SORCS1: variants seen among roughly 807,000 people sequenced by gnomAD.
SORCS1 encodes the protein VPS10 domain-containing receptor SorCS1.
In SORCS1, 60 loss-of-function variants were observed where a neutral mutation model predicts 146.1. The ratio of observed to expected loss-of-function variants is 0.41; its 90% CI spans 0.33 to 0.51. The LOEUF (loss-of-function observed/expected upper bound fraction) is 0.51, where lower values mean the gene tolerates loss of function less well. Ranked by LOEUF, SORCS1 falls within the 20% of genes least tolerant of loss-of-function variation. The pLI, the probability that SORCS1 is intolerant of heterozygous loss-of-function variation, is 0.21. For synonymous variants in SORCS1, 637 were observed against 584.0 expected (o/e 1.09, Z -1.31); for missense variants, 1,352 against 1,487.6 (o/e 0.91, Z 1.50).
At chr10:107,147,886 A>G (rs1382964016) in intron 1 of SORCS1, among the ~76,000 whole-genome samples, 2 of 152,194 alleles carry the variant, frequency 1.3e-5, no homozygotes, top group Non-Finnish European at 2.9e-5. Flanking sequence ...GACCCGGCAC[A>G]TAAGATCAGA....
chr10:106,623,554 TA>T (rs1029255911), intron 19 of SORCS1, among the ~76,000 whole-genome samples: 9 of 152,110 alleles, frequency 5.9e-5, no homozygotes, highest in African/African-American at 2.2e-4. Context: ...GAGCATTTTT[TA>T]AAAGTCATAA....
At chr10:106,747,330 A>T (rs906344027) in intron 5 of SORCS1, among the ~76,000 whole-genome samples, 1 of 152,228 alleles carries the variant, frequency 6.6e-6, no homozygotes, top group African/African-American at 2.4e-5. Flanking sequence ...TGACAGACAG[A>T]CCAAGTTCCA....
At chr10:106,715,171 C>T (rs188801610) in intron 6 of SORCS1, among the ~76,000 whole-genome samples, 3 of 152,212 alleles carry the variant, frequency 2.0e-5, no homozygotes, top group Non-Finnish European at 4.4e-5. Flanking sequence ...TGAACTCTTT[C>T]CATATTCAAT....
At chr10:106,716,266 G>A (rs1855365444) in intron 6 of SORCS1, among the ~76,000 whole-genome samples, 1 of 152,172 alleles carries the variant, frequency 6.6e-6, no homozygotes. Flanking sequence ...AGCAGGTGTG[G>A]CAGGTGTTCC....
intron 1 of SORCS1, among the ~76,000 whole-genome samples, chr10:107,047,879 G>A (rs1054138794): frequency 6.6e-6 from 1 of 151,930 alleles, no homozygotes; most frequent in South Asian, 2.1e-4. Context: ...TCAGGAGTTC[G>A]AGACCAGTCT....
intron 2 of SORCS1, among the ~76,000 whole-genome samples, chr10:106,895,861 T>C (rs1049111606): frequency 2.6e-5 from 4 of 152,016 alleles, no homozygotes; most frequent in Non-Finnish European, 4.4e-5. Context: ...TAGCCAACAA[T>C]AGCAACTCAA....
chr10:106,884,697 A>C (rs1001918057), intron 2 of SORCS1, among the ~76,000 whole-genome samples: 2 of 152,222 alleles, frequency 1.3e-5, no homozygotes, highest in African/African-American at 4.8e-5. Flanking sequence ...GAATATCACC[A>C]GCGGTTGTCA....
chr10:106,724,283 C>T (rs1290440086), intron 6 of SORCS1, among the ~76,000 whole-genome samples: 5 of 152,026 alleles, frequency 3.3e-5, no homozygotes, highest in Non-Finnish European at 5.9e-5. Context: ...CCGAGGCGGG[C>T]GGATCTCAAG....
intron 1 of SORCS1, among the ~76,000 whole-genome samples, chr10:106,994,170 A>C (rs1228472378): frequency 1.3e-5 from 2 of 152,160 alleles, no homozygotes; most frequent in African/African-American, 4.8e-5. Flanking sequence ...AAGCCCATTA[A>C]AACTAATTAA....
chr10:107,160,757 C>T (rs1194055377), intron 1 of SORCS1, among the ~76,000 whole-genome samples: 5 of 152,198 alleles, frequency 3.3e-5, no homozygotes, highest in Non-Finnish European at 7.3e-5. Flanking sequence ...CACCTACTTA[C>T]TACCTACAAA....
At chr10:106,843,486 C>G (rs1306097751) in intron 2 of SORCS1, among the ~76,000 whole-genome samples, 2 of 128,544 alleles carry the variant, frequency 1.6e-5, no homozygotes, top group Non-Finnish European at 3.1e-5. Flanking sequence ...CTGGAGAGTG[C>G]AGTGGCGCGA....
At chr10:106,959,521 A>T (rs527521596) in intron 1 of SORCS1, among the ~76,000 whole-genome samples, 1 of 152,282 alleles carries the variant, frequency 6.6e-6, no homozygotes, top group African/African-American at 2.4e-5. Context: ...ATACTATTTC[A>T]CAAATCAGTT....
intron 22 of SORCS1, among the ~76,000 whole-genome samples, 198 bp downstream of exon 22, chr10:106,611,713 A>T (rs1319668132): frequency 6.6e-6 from 1 of 152,222 alleles, no homozygotes; most frequent in Non-Finnish European, 1.5e-5. Context: ...CCATAGTTGC[A>T]TCCCCTTTAG....
At chr10:107,020,472 A>G (rs979188345) in intron 1 of SORCS1, among the ~76,000 whole-genome samples, 2 of 152,240 alleles carry the variant, frequency 1.3e-5, no homozygotes, top group African/African-American at 4.8e-5. Flanking sequence ...AGCAAACTAA[A>G]GACACAGAAC....
intron 1 of SORCS1, among the ~76,000 whole-genome samples, chr10:107,068,737 G>A (rs1962144558): frequency 6.6e-6 from 1 of 152,142 alleles, no homozygotes; most frequent in African/African-American, 2.4e-5. Flanking sequence ...GGGCGTGGTG[G>A]TGGGGGCCTG....
Position 107,146,455 on chromosome 10 carries a change from C to A in SORCS1, c.558+17514G>T, listed in dbSNP as rs1256655382. On this transcript the variant is annotated intron_variant, in intron 1 of 25. Coordinates refer to ENST00000263054, the MANE Select transcript of SORCS1 (RefSeq NM_052918.5). ...CTACTTCCCGAAAAGAATCCTGGAT[C>A]ATAACGTCTCAAAGACTACAGAACG... 7.0e-4 allele frequency among the ~76,000 whole-genome samples: 107 copies of A among 152,130 alleles called. 3 individuals are homozygous for A. The highest frequency in any genetic ancestry group is 4.4e-5 in the Non-Finnish European group (3 of 68,032).
At chr10:106,609,635 T>C (rs1245177117) in intron 22 of SORCS1, among the ~76,000 whole-genome samples, 1 of 152,170 alleles carries the variant, frequency 6.6e-6, no homozygotes, top group East Asian at 1.9e-4. Context: ...AAGGTATTAA[T>C]ACCACCACCA....
Position 106,818,263 on chromosome 10 carries a change from C to A in SORCS1, c.726+11311G>T, listed in dbSNP as rs1947839672. Among the ~76,000 whole-genome samples the A allele has an allele frequency of 2.6e-5, 4 of 152,168 alleles. No individual in the cohort carries two copies. The South Asian group carries it at 8.3e-4, about 32-fold the overall frequency. ...ATTAATTCAATATTAATAATGTCACCACTGCCCATTTACTGATTTTACAAG... is the reference window on the plus strand; with the variant it reads ...ATTAATTCAATATTAATAATGTCACAACTGCCCATTTACTGATTTTACAAG... On this transcript the variant is annotated intron_variant, in intron 3 of 25. Coordinates refer to ENST00000263054, the MANE Select transcript of SORCS1 (RefSeq NM_052918.5).
At chr10:106,785,626 A>C (rs746878730) in intron 3 of SORCS1, among the ~76,000 whole-genome samples, 2 of 152,208 alleles carry the variant, frequency 1.3e-5, no homozygotes, top group Non-Finnish European at 2.9e-5. Flanking sequence ...CAAATATACT[A>C]GGGTGTACTG....
Sources: gnomAD v4.1 joint callset for allele counts (sites outside exome capture counted in the v4.1 genomes callset) on GRCh38, gnomAD v4.1.1 for gene constraint, MANE v1.5 for transcripts, NCBI Gene and HGNC (gene_info 2026-07-23, HGNC 2026-07-21) for gene names.